The following PKD1L1 variants were observed in gnomAD, a reference collection of about 807,000 sequenced individuals.
The protein encoded by PKD1L1 is polycystin-1-like protein 1.
Under a neutral mutation model 323.4 loss-of-function variants are expected in PKD1L1, and 236 were observed. The observed-to-expected ratio is 0.73, with a 90% CI of 0.66 to 0.81. PKD1L1 has a LOEUF of 0.81. PKD1L1 is among the 40% of genes least tolerant of loss of function. The pLI is 0.00. For missense variants in PKD1L1, 3,320 were observed against 3,508.0 expected (o/e 0.95, Z 1.35); for synonymous variants, 1,344 against 1,335.0 (o/e 1.01, Z -0.15).
chr7:47,880,270 A>ATTTTT (rs1786516339), intron 21 of PKD1L1, among the ~76,000 whole-genome samples: 1 of 68,956 alleles, frequency 1.5e-5, no homozygotes, highest in African/African-American at 7.7e-5. Context: ...ATATACATAT[A>ATTTTT]TATATATATA....
Position 47,836,938 on chromosome 7 carries a change from C to A in PKD1L1, c.5926G>T (p.Ala1976Ser), listed in dbSNP as rs762258597. Residue 1976 changes from alanine to serine, a missense_variant, in exon 37 of 57, where the codon GCT becomes TCT. By Grantham distance (99) the Ala-to-Ser change is moderately conservative. Transcript: ENST00000289672. ...VYACLTALVA[A>S]GGQEQPHLDV... ...GCTCTCACCTGCTCTTGCCCTCCAGCAGCAACCAGGGCAGTGAGACACGCG... is the reference window on the plus strand; with the variant it reads ...GCTCTCACCTGCTCTTGCCCTCCAGAAGCAACCAGGGCAGTGAGACACGCG... 4.3e-6 allele frequency: 7 copies of A among 1,613,764 alleles called. No homozygotes were observed. The highest frequency in any genetic ancestry group is 5.9e-6 in the Non-Finnish European group (7 of 1,179,956).
intron 7 of PKD1L1, among the ~76,000 whole-genome samples, chr7:47,921,256 AAAG>A (rs1787530239): frequency 6.6e-6 from 1 of 151,690 alleles, no homozygotes; most frequent in African/African-American, 2.4e-5. Context: ...AAAAAAAAAA[AAAG>A]ATATACAAAT....
In PKD1L1 at chr7:47,833,179, C is replaced by T; in HGVS notation, c.6248G>A (p.Cys2083Tyr). 2 of 1,612,822 alleles carry T rather than the reference C, an allele frequency of 1.2e-6. No homozygotes were observed. Among genetic ancestry groups the T allele is most frequent in the Non-Finnish European group, 1.7e-6 (2 of 1,179,516 alleles). The part of the protein sequence containing the change: ...RKAASDNGTA[C>Y]PAPKLQVHGA... Reference sequence around the variant, plus strand: ...ATGAACCTGCAGCTTAGGGGCTGGACAAGCTGTGCCATTGTCACTTGCCGC... The same window carrying T: ...ATGAACCTGCAGCTTAGGGGCTGGATAAGCTGTGCCATTGTCACTTGCCGC... Residue 2083 changes from cysteine to tyrosine, a missense_variant, in exon 41 of 57, where the codon TGT (cysteine) becomes TAT (tyrosine). Physicochemically the swap from Cys to Tyr is radical, Grantham distance 194. Coordinates refer to ENST00000289672, the MANE Select transcript of PKD1L1 (RefSeq NM_138295.5).
Position 47,943,420 on chromosome 7 carries a change from G to A in PKD1L1, c.136C>T (p.Pro46Ser), listed in dbSNP as rs1788037691. 1 of 1,613,150 alleles carries A rather than the reference G, an allele frequency of 6.2e-7. No homozygotes were observed. Among genetic ancestry groups the A allele is most frequent in the African/African-American group, 1.3e-5 (1 of 74,820 alleles). The change falls in exon 2 of 57, where the codon CCT becomes TCT. Residue 46 changes from proline to serine, a missense_variant. Pro to Ser is a moderately conservative substitution (Grantham distance 74). Transcript: ENST00000289672. Reference sequence around the variant, plus strand: ...CCGACCCACAATCCACCTCCAGGAGGGCTACAGCTGCACAGATGAAGACCC... The same window carrying A: ...CCGACCCACAATCCACCTCCAGGAGAGCTACAGCTGCACAGATGAAGACCC... ...SWGLHLCSCS[P>S]PGGGLWVEVY...
At chr7:47,813,743 A>G (rs1784953773) in intron 48 of PKD1L1, among the ~76,000 whole-genome samples, 188 bp downstream of exon 48, 1 of 152,248 alleles carries the variant, frequency 6.6e-6, no homozygotes, top group African/African-American at 2.4e-5. Flanking sequence ...AGGCTTTGGG[A>G]AAGTGTTCAT....
At chr7:47,926,094 C>T (rs1787652248) in intron 7 of PKD1L1, among the ~76,000 whole-genome samples, 1 of 152,190 alleles carries the variant, frequency 6.6e-6, no homozygotes, top group Non-Finnish European at 1.5e-5. Context: ...AATTCCCTTC[C>T]CTTTCCAGAT....
chr7:47,806,918 C>A (rs1418357865), intron 52 of PKD1L1, among the ~76,000 whole-genome samples: 1 of 152,112 alleles, frequency 6.6e-6, no homozygotes, highest in Non-Finnish European at 1.5e-5. Flanking sequence ...AACTTCAGGG[C>A]AGGCAGCTTT....
rs544020137 is a variant in PKD1L1, at chr7:47,840,688, G to A, written c.5446-121C>T. The A allele has an allele frequency of 2.9e-5, 21 of 725,132 alleles. No individual in the cohort carries two copies. Among genetic ancestry groups the A allele is most frequent in the East Asian group, 8.1e-5 (3 of 36,928 alleles). 44.9% of individuals were successfully genotyped at this position (725,132 alleles called of 1,614,324 possible). ...CACCCTTCCTCAAAACCATCTGCAC[G>A]GTGGAGTGCCACAGCCTAGAGCCAG... is the stretch of plus-strand genomic sequence containing the variant. On this transcript the variant is annotated intron_variant, in intron 34 of 56. Coordinates refer to ENST00000289672, the MANE Select transcript of PKD1L1 (RefSeq NM_138295.5). This position sits in a 1 kb window ranked among gnomAD's most constrained non-coding sequence, Gnocchi z 4.1.
At chr7:47,907,487 C>T (rs974730812) in intron 9 of PKD1L1, among the ~76,000 whole-genome samples, 4 of 152,190 alleles carry the variant, frequency 2.6e-5, no homozygotes, top group Non-Finnish European at 4.4e-5. Context: ...AAGCAAATAC[C>T]TCCCTTACAG....
At chr7:47,959,866 G>T in the PKD1L1 span, among the ~76,000 whole-genome samples, 1 of 151,438 alleles carries the variant, frequency 6.6e-6, no homozygotes. Context: ...CGTCTGGGAG[G>T]TGTACCCAAC....
At chr7:47,800,563 C>A in intron 54 of PKD1L1, 86 bp downstream of exon 54, 1 of 1,367,222 alleles carries the variant, frequency 7.3e-7, no homozygotes. Flanking sequence ...TTGCCTGGCC[C>A]TGTCCACATG....
rs764844059 is a variant in PKD1L1, at chr7:47,885,784, G to T, written c.3107C>A (p.Ser1036Ter). 1 of 1,614,116 alleles carries T rather than the reference G, an allele frequency of 6.2e-7. No homozygotes were observed. Among genetic ancestry groups the T allele is most frequent in the Non-Finnish European group, 8.5e-7 (1 of 1,180,048 alleles). ...CTGTGGCCCTGGCTCTAGGTCTAGT[G>T]AACCTTCCTCTGGAGCCTCCCCCAG... ...AVLGEAPEEG[S>*]LDLEPGPQSK... Residue 1036 changes from serine (S) to a stop codon, truncating the protein, a stop_gained, in exon 18 of 57, where the codon TCA becomes TAA. Coordinates refer to ENST00000289672, the MANE Select transcript of PKD1L1 (RefSeq NM_138295.5). LOFTEE classifies it high-confidence loss of function.
chr7:47,880,875 T>A, intron 20 of PKD1L1, 70 bp from the exon 21 acceptor site: 1 of 1,267,344 alleles, frequency 7.9e-7, no homozygotes, highest in Non-Finnish European at 1.1e-6. Context: ...CACAGAGTCC[T>A]TGGAAATGAG....
chr7:47,937,491 C>T (rs1787894547), intron 3 of PKD1L1, among the ~76,000 whole-genome samples: 1 of 152,046 alleles, frequency 6.6e-6, no homozygotes, highest in Admixed American at 6.5e-5. Context: ...GGGTCAGACT[C>T]AGGAAGTGGA....
In PKD1L1 at chr7:47,946,549, C is replaced by A. The variant is rs1788101627; in HGVS notation, c.44+1848G>T. On this transcript the variant is annotated intron_variant, in intron 1 of 56. Coordinates refer to ENST00000289672, the MANE Select transcript of PKD1L1 (RefSeq NM_138295.5). The surrounding 1 kb of genome is among the most constrained non-coding windows in gnomAD (Gnocchi z 4.1). ...CACACACACCAACACATTACACACA[C>A]ATCACACAGCACACACCATGTATCA... Among the ~76,000 whole-genome samples the A allele has an allele frequency of 6.6e-6, 1 of 151,228 alleles. No individual in the cohort carries two copies. The highest frequency in any genetic ancestry group is 1.5e-5 in the Non-Finnish European group (1 of 67,750).
chr7:47,799,957 T>G (rs1291692785), intron 54 of PKD1L1, among the ~76,000 whole-genome samples: 3 of 152,098 alleles, frequency 2.0e-5, no homozygotes, highest in Admixed American at 2.0e-4. Context: ...TAATTTCAGG[T>G]CAACAACAAA....
At chr7:47,861,880 C>CAAAA (rs60918464) in intron 26 of PKD1L1, among the ~76,000 whole-genome samples, 19 of 43,914 alleles carry the variant, frequency 4.3e-4, no homozygotes, top group East Asian at 1.1e-3. Context: ...GACTCTGTCT[C>CAAAA]AAAAAAAAAA....
chr7:47,804,548 C>A (rs1263806095), intron 52 of PKD1L1, among the ~76,000 whole-genome samples: 7 of 147,290 alleles, frequency 4.8e-5, no homozygotes, highest in Non-Finnish European at 7.4e-5. Context: ...CTCACTGCAA[C>A]CTCCGCCTCC....
In PKD1L1 at chr7:47,829,487, A is replaced by G. The variant is rs1479012884; in HGVS notation, c.6673T>C (p.Trp2225Arg). Residue 2225 changes from tryptophan (W) to arginine (R), a missense_variant, in exon 44 of 57, where the codon TGG becomes CGG. Physicochemically the swap from Trp to Arg is moderately radical, Grantham distance 101. Transcript: ENST00000289672. ...CTTGAAGAGAAGGGGAGGCGAGTCC[A>G]GGAACGTTCTGCCAATTCAGAGTCC... ...DLDSELAERS[W>R]TRLPFSSSCS... The G allele has an allele frequency of 2.5e-6, 4 of 1,614,212 alleles. No homozygotes were observed. The South Asian group carries it at 4.4e-5, about 18-fold the overall frequency.
Sources: gnomAD v4.1 joint callset for allele counts (sites outside exome capture counted in the v4.1 genomes callset) on GRCh38, gnomAD v4.1.1 for gene constraint, Gnocchi (gnomAD v3.1) non-coding constraint, MANE v1.5 for transcripts, NCBI Gene and HGNC (gene_info 2026-07-23, HGNC 2026-07-21) for gene names.